DLGAP2: variants seen among roughly 807,000 people sequenced by gnomAD.
DLGAP2 encodes the protein DLG associated protein 2, also known as disks large-associated protein 2.
Under a neutral mutation model 100.3 loss-of-function variants are expected in DLGAP2, and 26 were observed. That is an observed-to-expected ratio of 0.26 (90% confidence interval 0.19 to 0.36). The LOEUF (loss-of-function observed/expected upper bound fraction) is 0.36, where lower values mean the gene tolerates loss of function less well. DLGAP2 is among the 10% of genes least tolerant of loss of function. DLGAP2 has a pLI of 1.00. For missense variants in DLGAP2, 1,858 were observed against 1,453.2 expected, an observed-to-expected ratio of 1.28 and a Z score of -4.53; for synonymous variants, 886 against 630.1, an observed-to-expected ratio of 1.41 and a Z score of -6.08.
intron 2 of DLGAP2, among the ~76,000 whole-genome samples, chr8:1,223,937 C>G (rs1005402207): frequency 6.6e-6 from 1 of 152,192 alleles, no homozygotes; most frequent in Non-Finnish European, 1.5e-5. Flanking sequence ...TTGTTAAAAA[C>G]AATAAGGATA....
rs114351016 is a variant in DLGAP2 at position 1,052,547 on chromosome 8, G to C, written c.73+144581G>C. Among the ~76,000 whole-genome samples, 630 of 152,288 alleles carry C rather than the reference G, an allele frequency of 4.1e-3. 5 individuals are homozygous for C. Among genetic ancestry groups the C allele is most frequent in the African/African-American group, 0.014 (590 of 41,544 alleles). On this transcript the variant is annotated intron_variant, in intron 2 of 14. Coordinates refer to ENST00000637795, the MANE Select transcript of DLGAP2 (RefSeq NM_001346810.2). The stretch of plus-strand genomic sequence containing the variant: ...AGGCATTGTGTAGGAGGAATCCTTT[G>C]ACGGGGACTCACAGGCAGGGTCCCT...
chr8:1,183,767 T>C (rs79600870), intron 2 of DLGAP2, among the ~76,000 whole-genome samples: 5,512 of 152,268 alleles, frequency 0.036, 374 homozygotes, highest in African/African-American at 0.13. Context: ...TCTGCTCTTT[T>C]TGAATCATAA....
At chr8:1,639,900 C>A in intron 8 of DLGAP2, among the ~76,000 whole-genome samples, 1 of 152,174 alleles carries the variant, frequency 6.6e-6, no homozygotes, top group African/African-American at 2.4e-5. Context: ...ACACTGGGCC[C>A]ACTGGGATGA....
Position 1,570,161 on chromosome 8 carries a change from G to A in DLGAP2, c.1442+4267G>A, listed in dbSNP as rs116045952. Among the ~76,000 whole-genome samples the A allele has an allele frequency of 2.1e-3, 314 of 152,324 alleles. 1 individual carries two copies. The highest frequency in any genetic ancestry group is 7.1e-3 in the African/African-American group (295 of 41,566). The stretch of plus-strand genomic sequence containing the variant: ...TGGAGATGTCAGAAGCACATCATAG[G>A]GACCTCAGATTAAACAGGAAAGACA... On this transcript the variant is annotated intron_variant, in intron 6 of 14. Coordinates refer to ENST00000637795, the MANE Select transcript of DLGAP2 (RefSeq NM_001346810.2).
At chr8:853,643 C>G (rs187916479) in intron 1 of DLGAP2, among the ~76,000 whole-genome samples, 3 of 152,320 alleles carry the variant, frequency 2.0e-5, no homozygotes, top group African/African-American at 7.2e-5. Flanking sequence ...TCGCAAGCAG[C>G]CGTTCTAGGG....
intron 5 of DLGAP2, among the ~76,000 whole-genome samples, chr8:1,563,210 TG>T (rs1240570452): frequency 2.7e-5 from 1 of 36,772 alleles, no homozygotes; most frequent in African/African-American, 1.0e-4. Flanking sequence ...GCCTCGTTAC[TG>T]GGGGACTGGT....
chr8:1,092,440 C>T (rs1199105929), intron 2 of DLGAP2, among the ~76,000 whole-genome samples: 1 of 152,200 alleles, frequency 6.6e-6, no homozygotes, highest in African/African-American at 2.4e-5. Context: ...GGACTTCGCA[C>T]TTTCCCCTTC....
intron 6 of DLGAP2, among the ~76,000 whole-genome samples, chr8:1,583,658 T>C (rs1413534757): frequency 2.0e-5 from 3 of 152,176 alleles, no homozygotes; most frequent in Admixed American, 6.5e-5. Flanking sequence ...CCTTTCCTGA[T>C]GCTGAGACTC....
intron 3 of DLGAP2, among the ~76,000 whole-genome samples, chr8:1,392,044 G>T (rs1271453648): frequency 6.6e-6 from 1 of 152,186 alleles, no homozygotes; most frequent in East Asian, 1.9e-4. Flanking sequence ...CTATCCCCTT[G>T]TTGCGATGCT....
chr8:1,310,383 T>A (rs1800586772), intron 3 of DLGAP2, among the ~76,000 whole-genome samples: 2 of 152,146 alleles, frequency 1.3e-5, no homozygotes, highest in South Asian at 4.1e-4. Flanking sequence ...AAGCAACCAT[T>A]GATGGAATTG....
intron 2 of DLGAP2, among the ~76,000 whole-genome samples, chr8:1,100,893 A>G (rs984645758): frequency 1.3e-5 from 2 of 152,256 alleles, no homozygotes; most frequent in Admixed American, 6.5e-5. Context: ...CATTTTAACC[A>G]TAGCATTTCA....
intron 3 of DLGAP2, chr8:1,302,198 C>G (rs539666556): frequency 6.6e-6 from 1 of 151,700 alleles, no homozygotes; most frequent in South Asian, 2.1e-4. Flanking sequence ...GGACCGGACT[C>G]GGAATTTTCT....
At chr8:974,784 T>C (rs1446728623) in intron 2 of DLGAP2, among the ~76,000 whole-genome samples, 1 of 152,194 alleles carries the variant, frequency 6.6e-6, no homozygotes, top group Non-Finnish European at 1.5e-5. Flanking sequence ...ATTGAATACA[T>C]ATTTAGAAAT....
Position 907,979 on chromosome 8 carries a change from C to A in DLGAP2, c.73+13C>A. ...GACAGGAATACAGGTAAATACATTT[C>A]ATTCTTCTGATTTGGGATTATATGT... is the stretch of plus-strand genomic sequence containing the variant. On this transcript the variant is annotated intron_variant, in intron 2 of 14. Coordinates refer to ENST00000637795, the MANE Select transcript of DLGAP2 (RefSeq NM_001346810.2). 2.5e-6 allele frequency: 1 copy of A among 398,970 alleles called. No individual in the cohort carries two copies. The highest frequency in any genetic ancestry group is 4.4e-5 in the Admixed American group (1 of 22,738). 24.7% of individuals were successfully genotyped at this position (398,970 alleles called of 1,614,324 possible). A position where few individuals can be genotyped will look rare whatever the true frequency, so the allele number is the denominator to read the frequency against.
chr8:851,830 C>G (rs556594414), intron 1 of DLGAP2, among the ~76,000 whole-genome samples: 5 of 152,076 alleles, frequency 3.3e-5, no homozygotes, highest in Admixed American at 2.6e-4. Flanking sequence ...AGTGACTGTT[C>G]CGTGACTGCT....
chr8:1,531,665 A>G (rs1313717018), intron 4 of DLGAP2, among the ~76,000 whole-genome samples: 1 of 152,158 alleles, frequency 6.6e-6, no homozygotes, highest in Non-Finnish European at 1.5e-5. Context: ...TTATATTTTA[A>G]TATTCTCTAA....
intron 2 of DLGAP2, among the ~76,000 whole-genome samples, chr8:1,076,619 C>T (rs2600499): frequency 0.29 from 44,252 of 152,128 alleles, 6,914 homozygotes; most frequent in Admixed American, 0.35. Flanking sequence ...AGAAACTTTG[C>T]GGTCTGTACG....
At chr8:1,688,238 C>G (rs774416236) in intron 12 of DLGAP2, 1 of 152,374 alleles carries the variant, frequency 6.6e-6, no homozygotes, top group South Asian at 2.1e-4. Flanking sequence ...CCTCCCCTCC[C>G]TTCTCTGTTC....
intron 3 of DLGAP2, among the ~76,000 whole-genome samples, chr8:1,306,307 T>C (rs1468598482): frequency 6.6e-6 from 1 of 151,898 alleles, no homozygotes; most frequent in Non-Finnish European, 1.5e-5. Flanking sequence ...GAATGAACAA[T>C]TTAAAAAGGA....
Sources: allele counts gnomAD v4.1 joint callset (sites outside exome capture counted in the v4.1 genomes callset), GRCh38; gene constraint gnomAD v4.1.1; transcripts MANE v1.5; gene names NCBI Gene and HGNC (gene_info 2026-07-23, HGNC 2026-07-21).